KCNB2: variants seen among roughly 807,000 people sequenced by gnomAD.
KCNB2 encodes the protein delayed rectifier potassium channel protein.
In KCNB2, 15 loss-of-function variants were observed where a neutral mutation model predicts 61.5. The ratio of observed to expected loss-of-function variants is 0.24; its 90% confidence interval spans 0.16 to 0.38. The LOEUF is 0.38. Ranked by LOEUF, KCNB2 falls within the 10% of genes least tolerant of loss-of-function variation. The pLI is 1.00. For missense variants in KCNB2, 828 were observed against 1,125.2 expected (o/e 0.74, Z 3.78); for synonymous variants, 457 against 446.0 (o/e 1.02, Z -0.31).
Position 72,760,285 on chromosome 8 carries a change from C to T in KCNB2, c.580-175650C>T, listed in dbSNP as rs139659939. 1.4e-3 allele frequency among the ~76,000 whole-genome samples: 206 copies of T among 152,278 alleles called. 2 individuals are homozygous for T. The highest frequency in any genetic ancestry group is 4.5e-3 in the African/African-American group (185 of 41,556). On this transcript the variant is annotated intron_variant, in intron 2 of 2. Transcript: ENST00000523207. ...TTGGAAGTGAGGACAATAATAACTA[C>T]CTATCAGGCTGCTGTGAGCATTCAG...
chr8:72,782,365 G>A (rs556072540), intron 2 of KCNB2, among the ~76,000 whole-genome samples: 27 of 152,120 alleles, frequency 1.8e-4, no homozygotes, highest in African/African-American at 6.0e-4. Context: ...CTGAATGTGT[G>A]TTCCGAGCTA....
intron 2 of KCNB2, among the ~76,000 whole-genome samples, chr8:72,584,443 TC>T (rs1806964836): frequency 6.6e-6 from 1 of 152,100 alleles, no homozygotes; most frequent in Non-Finnish European, 1.5e-5. Flanking sequence ...AAGGATGCAG[TC>T]CTTTTTGTTT....
chr8:72,712,734 G>A (rs1036050804), intron 2 of KCNB2, among the ~76,000 whole-genome samples: 2 of 152,192 alleles, frequency 1.3e-5, no homozygotes, highest in African/African-American at 2.4e-5. Flanking sequence ...CCCAGCATGA[G>A]CAACACAGAA....
intron 2 of KCNB2, among the ~76,000 whole-genome samples, chr8:72,669,875 G>A (rs1048486211): frequency 1.3e-5 from 2 of 152,146 alleles, no homozygotes; most frequent in African/African-American, 4.8e-5. Flanking sequence ...CGGTCTAGCT[G>A]GAACCCCCAG....
chr8:72,817,939 T>C (rs1186121479), intron 2 of KCNB2, among the ~76,000 whole-genome samples: 1 of 152,186 alleles, frequency 6.6e-6, no homozygotes, highest in Non-Finnish European at 1.5e-5. Flanking sequence ...GTTTTATAAA[T>C]ATCTTCATGG....
chr8:72,902,691 G>C (rs552103231), intron 2 of KCNB2, among the ~76,000 whole-genome samples: 1 of 152,284 alleles, frequency 6.6e-6, no homozygotes, highest in East Asian at 1.9e-4. Context: ...TCCAATTGCT[G>C]TAGGAGGGAC....
intron 2 of KCNB2, among the ~76,000 whole-genome samples, chr8:72,629,038 G>A (rs959113606): frequency 1.3e-5 from 2 of 152,134 alleles, no homozygotes; most frequent in Non-Finnish European, 1.5e-5. Flanking sequence ...CAATTGTTAG[G>A]AAGTGAATGC....
At chr8:72,931,364 A>G (rs1169331702) in intron 2 of KCNB2, among the ~76,000 whole-genome samples, 2 of 152,160 alleles carry the variant, frequency 1.3e-5, no homozygotes, top group Non-Finnish European at 2.9e-5. Flanking sequence ...TGGGGATGGC[A>G]TTGAGTCTAT....
At chr8:72,858,897 T>C (rs1185454911) in intron 2 of KCNB2, among the ~76,000 whole-genome samples, 2 of 152,202 alleles carry the variant, frequency 1.3e-5, no homozygotes, top group East Asian at 3.8e-4. Context: ...CCAAGGGTAA[T>C]AATGTTCTCT....
intron 2 of KCNB2, among the ~76,000 whole-genome samples, chr8:72,595,758 A>G (rs1807180053): frequency 6.6e-6 from 1 of 152,180 alleles, no homozygotes; most frequent in Admixed American, 6.5e-5. Context: ...CCCAGCCTAC[A>G]TTATATTGCA....
At chr8:72,892,055 T>C (rs7831382) in intron 2 of KCNB2, among the ~76,000 whole-genome samples, 3,614 of 152,166 alleles carry the variant, frequency 0.024, 138 homozygotes, top group African/African-American at 0.079. Flanking sequence ...GCCGAAGATA[T>C]TGTTTCAACA....
chr8:72,813,153 T>C (rs989288824), intron 2 of KCNB2, among the ~76,000 whole-genome samples: 5 of 152,072 alleles, frequency 3.3e-5, no homozygotes, highest in Non-Finnish European at 2.9e-5. Flanking sequence ...AGTGAAAGTA[T>C]GTAGGAAGTG....
At chr8:72,851,826 G>GAAAAAAAAAAAAAAAAAAAAAAAAAAAA (rs55696554) in intron 2 of KCNB2, among the ~76,000 whole-genome samples, 2 of 43,864 alleles carry the variant, frequency 4.6e-5, no homozygotes, top group Admixed American at 4.2e-4. Context: ...GAAGCTGTAG[G>GAAAAAAAAAAAAAAAAAAAAAAAAAAAA]AAAAAAAAAA....
rs575120917 is a variant in KCNB2, at chr8:72,864,735, G to A, written c.580-71200G>A. On this transcript the variant is annotated intron_variant, in intron 2 of 2. Coordinates refer to ENST00000523207, the MANE Select transcript of KCNB2 (RefSeq NM_004770.3). ...CTACAGACAGCATGTTATATAGAGT[G>A]CATTCCAGCACTTTCTCCTCTTTCC... Among the ~76,000 whole-genome samples the A allele has an allele frequency of 3.9e-5, 6 of 152,298 alleles. No individual in the cohort carries two copies. In the South Asian group the frequency reaches 1.2e-3, roughly 32 times the overall value.
At chr8:72,857,357 G>T (rs1810222483) in intron 2 of KCNB2, among the ~76,000 whole-genome samples, 1 of 152,186 alleles carries the variant, frequency 6.6e-6, no homozygotes, top group African/African-American at 2.4e-5. Context: ...AGAGGAATGA[G>T]CATATGGAAG....
At chr8:72,561,739 A>ATG (rs1563523449) in intron 1 of KCNB2, among the ~76,000 whole-genome samples, 2 of 24,708 alleles carry the variant, frequency 8.1e-5, no homozygotes, top group Non-Finnish European at 1.2e-4. Context: ...CTATATCTAT[A>ATG]TATATATGTA....
intron 2 of KCNB2, among the ~76,000 whole-genome samples, chr8:72,612,169 C>T (rs1281617076): frequency 6.6e-6 from 1 of 152,114 alleles, no homozygotes; most frequent in Non-Finnish European, 1.5e-5. Flanking sequence ...CACAGCAGTT[C>T]CAGTGATAGT....
chr8:72,620,838 C>T (rs868720884), intron 2 of KCNB2, among the ~76,000 whole-genome samples: 6 of 152,098 alleles, frequency 3.9e-5, no homozygotes, highest in African/African-American at 1.4e-4. Context: ...AAACTCCTGA[C>T]CTCAGTTGAT....
At chr8:72,935,420 A>G (rs1218881695) in intron 2 of KCNB2, among the ~76,000 whole-genome samples, 1 of 152,218 alleles carries the variant, frequency 6.6e-6, no homozygotes, top group Non-Finnish European at 1.5e-5. Context: ...TGCTTGCCAC[A>G]TGAATATTAC....
Sources: gnomAD v4.1 joint callset for allele counts (sites outside exome capture counted in the v4.1 genomes callset) on GRCh38, gnomAD v4.1.1 for gene constraint, MANE v1.5 for transcripts, NCBI Gene and HGNC (gene_info 2026-07-23, HGNC 2026-07-21) for gene names.